KDM4C: variants seen among roughly 807,000 people sequenced by gnomAD.
KDM4C encodes lysine demethylase 4C.
A neutral mutation model predicts 129.3 loss-of-function variants in KDM4C; 81 were observed. The observed-to-expected ratio is 0.63, with a 90% CI of 0.52 to 0.75. The LOEUF is 0.75. KDM4C is among the 30% of genes least tolerant of loss of function. The pLI is 0.00. For synonymous variants in KDM4C, 573 were observed against 456.1 expected, an observed-to-expected ratio of 1.26 and a Z score of -3.26; for missense variants, 1,457 against 1,304.0, an observed-to-expected ratio of 1.12 and a Z score of -1.81.
intron 17 of KDM4C, among the ~76,000 whole-genome samples, chr9:7,098,229 C>T (rs12346587): frequency 0.023 from 3,576 of 152,220 alleles, 110 homozygotes; most frequent in African/African-American, 0.082. Context: ...ATATCTGATC[C>T]CTGGCCACCT....
At position 7,019,771 on chromosome 9, in the gene KDM4C, T is replaced by TTTTTATATATAAAAATATAATA. The variant is rs1428420807; in HGVS notation, c.2259+3860_2259+3861insAATATTTTATATATAAAAATAT. The stretch of plus-strand genomic sequence containing the variant: ...TATTTTTATATATAAAAATATAATA[T>TTTTTATATATAAAAATATAATA]TTTTATATATAAAAATATTTTAGAA... On this transcript the variant is annotated intron_variant, in intron 15 of 21. Transcript: ENST00000381309. 1.6e-4 allele frequency among the ~76,000 whole-genome samples: 20 copies of TTTTTATATATAAAAATATAATA among 125,286 alleles called. 1 individual carries two copies. The highest frequency in any genetic ancestry group is 1.2e-3 in the South Asian group (5 of 4,244). 82.2% of individuals were successfully genotyped at this position (125,286 alleles called of 152,430 possible).
rs535052549 is a variant in KDM4C, at chr9:6,758,008, C to T, written c.-213C>T. ...GTGCGCGCGCCTTCGCCGCTGCCTC[C>T]CACCCACCCCCTCGACGGGAGGGTG... is the stretch of plus-strand genomic sequence containing the variant. On this transcript the variant is annotated 5_prime_UTR_variant, in exon 1 of 22. Coordinates refer to ENST00000381309, the MANE Select transcript of KDM4C (RefSeq NM_015061.6). The surrounding 1 kb of genome is among the most constrained non-coding windows in gnomAD (Gnocchi z 4.6). 1.0e-5 allele frequency: 10 copies of T among 985,358 alleles called. No homozygotes were observed. The East Asian group carries it at 9.1e-4, about 90-fold the overall frequency. 61.0% of individuals were successfully genotyped at this position (985,358 alleles called of 1,614,324 possible).
chr9:6,776,310 C>T (rs909971882), intron 1 of KDM4C, among the ~76,000 whole-genome samples: 1 of 152,162 alleles, frequency 6.6e-6, no homozygotes, highest in African/African-American at 2.4e-5. Context: ...TGTTGCCAGG[C>T]TGGAGTGCAG....
chr9:6,836,318 G>A (rs1183093226), intron 4 of KDM4C, among the ~76,000 whole-genome samples: 3 of 152,108 alleles, frequency 2.0e-5, no homozygotes, highest in African/African-American at 2.4e-5. Flanking sequence ...GTTGCGGTGC[G>A]CCAAGATCAT....
intron 8 of KDM4C, among the ~76,000 whole-genome samples, chr9:6,938,212 G>T (rs775672489): frequency 1.9e-4 from 29 of 151,782 alleles, no homozygotes; most frequent in Non-Finnish European, 2.6e-4. Context: ...TTAATATATA[G>T]ATATATATTA....
intron 18 of KDM4C, among the ~76,000 whole-genome samples, chr9:7,117,626 T>TACAC (rs71315578): frequency 0.034 from 5,023 of 146,958 alleles, 88 homozygotes; most frequent in South Asian, 0.044. Context: ...TGTTAATTTC[T>TACAC]ACACACACAC....
intron 12 of KDM4C, among the ~76,000 whole-genome samples, chr9:6,997,526 A>G (rs1327128734): frequency 6.6e-6 from 1 of 152,244 alleles, no homozygotes; most frequent in African/African-American, 2.4e-5. Context: ...CTTCTAAGTG[A>G]GAAATTTAAA....
chr9:6,942,282 A>AGTGTGTGTGTGTGGGTGT (rs1826091720), intron 8 of KDM4C, among the ~76,000 whole-genome samples: 1 of 142,624 alleles, frequency 7.0e-6, no homozygotes, highest in Non-Finnish European at 1.5e-5. Flanking sequence ...TAGCCCTCAA[A>AGTGTGTGTGTGTGGGTGT]GTGTGTGTGT....
chr9:7,105,095 A>G (rs1373474256), intron 18 of KDM4C, among the ~76,000 whole-genome samples: 1 of 152,244 alleles, frequency 6.6e-6, no homozygotes, highest in Non-Finnish European at 1.5e-5. Context: ...TTTGCTAAGA[A>G]TAGTATTATG....
At chr9:6,932,683 C>T (rs1823967866) in intron 8 of KDM4C, among the ~76,000 whole-genome samples, 1 of 152,174 alleles carries the variant, frequency 6.6e-6, no homozygotes, top group African/African-American at 2.4e-5. Context: ...CGTGTGTGGC[C>T]ATTTCTACTC....
At chr9:6,729,204 CAAAAAAAAAAAAA>C (rs1186478804) in intron 1 of KDM4C, among the ~76,000 whole-genome samples, 2 of 32,098 alleles carry the variant, frequency 6.2e-5, no homozygotes. Flanking sequence ...GCTCCGTCTC[CAAAAAAAAAAAAA>C]AAAAAAAAAA....
chr9:7,122,286 T>TCTCTCTCTCTCTCTCTC (rs1554752013), intron 18 of KDM4C, among the ~76,000 whole-genome samples: 4 of 87,796 alleles, frequency 4.6e-5, no homozygotes, highest in African/African-American at 1.6e-4. Flanking sequence ...CTCTCTCTCT[T>TCTCTCTCTCTCTCTCTC]AAACAGCCAG....
intron 17 of KDM4C, among the ~76,000 whole-genome samples, chr9:7,052,137 A>G (rs542197556): frequency 4.6e-5 from 7 of 152,232 alleles, no homozygotes; most frequent in Non-Finnish European, 1.0e-4. Context: ...TGTTTTTAAA[A>G]ACAAACCTGG....
chr9:7,000,663 A>AT (rs1363154938), intron 12 of KDM4C, among the ~76,000 whole-genome samples: 2 of 151,994 alleles, frequency 1.3e-5, no homozygotes, highest in African/African-American at 4.8e-5. Flanking sequence ...AATATTTGAA[A>AT]TTTTTTTTAC....
At chr9:6,722,797 G>C (rs1412317313) in intron 1 of KDM4C, among the ~76,000 whole-genome samples, 3 of 152,006 alleles carry the variant, frequency 2.0e-5, no homozygotes, top group Non-Finnish European at 4.4e-5. Flanking sequence ...ACAGGTATGA[G>C]CCACCGCATC....
intron 1 of KDM4C, among the ~76,000 whole-genome samples, chr9:6,777,025 A>G (rs1277742794): frequency 6.6e-6 from 1 of 152,034 alleles, no homozygotes; most frequent in African/African-American, 2.4e-5. Flanking sequence ...ATTGTCTTGT[A>G]TTGTCAACTT....
chr9:6,939,344 C>T (rs928403159), intron 8 of KDM4C, among the ~76,000 whole-genome samples: 1 of 152,070 alleles, frequency 6.6e-6, no homozygotes, highest in Non-Finnish European at 1.5e-5. Flanking sequence ...TCTCCCATCC[C>T]CCCGTGAGGG....
intron 13 of KDM4C, 98 bp from the exon 14 acceptor site, chr9:7,013,690 A>T: frequency 9.0e-7 from 1 of 1,115,736 alleles, no homozygotes; most frequent in Non-Finnish European, 1.3e-6. Context: ...CAAAAGTTAG[A>T]AGTTAGTGTC....
Position 6,914,225 on chromosome 9 carries a change from A to G in KDM4C, c.921+20993A>G, listed in dbSNP as rs140109338. Among the ~76,000 whole-genome samples the G allele has an allele frequency of 5.5e-3, 830 of 152,036 alleles. 15 individuals are homozygous for G. The highest frequency in any genetic ancestry group is 0.019 in the African/African-American group (807 of 41,454). ...CAGCCATGCGCCACCATGTTCAGTT[A>G]ATATTGTATTTTTTGTAGAGACAGG... On this transcript the variant is annotated intron_variant, in intron 8 of 21. Transcript: ENST00000381309.
Sources: gnomAD v4.1 joint callset for allele counts (sites outside exome capture counted in the v4.1 genomes callset) on GRCh38, gnomAD v4.1.1 for gene constraint, Gnocchi (gnomAD v3.1) non-coding constraint, MANE v1.5 for transcripts, NCBI Gene and HGNC (gene_info 2026-07-23, HGNC 2026-07-21) for gene names.